Variants in SLC25A6 observed in about 807,000 individuals in gnomAD.
SLC25A6 encodes ADP/ATP translocase 3.
In SLC25A6, 9 loss-of-function variants were observed where a neutral mutation model predicts 25.7. That is an observed-to-expected ratio of 0.35 (90% CI 0.21 to 0.61). The LOEUF is 0.61. SLC25A6 is among the 20% of genes least tolerant of loss of function. The pLI is 0.76. For missense variants in SLC25A6, 404 were observed against 440.5 expected (o/e 0.92, Z 0.74); for synonymous variants, 223 against 197.0 (o/e 1.13, Z -1.11).
In SLC25A6 at chrX:1,387,233, T is replaced by C. The variant is rs1371659086; in HGVS notation, c.739+46A>G. On this transcript the variant is annotated intron_variant, in intron 3 of 3. Coordinates refer to ENST00000381401, the MANE Select transcript of SLC25A6 (RefSeq NM_001636.4). ...CTCCCACGGGCCTAGGGCAAGGAGC[T>C]TGGTTCCCCTTCCCGGCAGCAAGGG... 1.9e-6 allele frequency: 3 copies of C among 1,602,858 alleles called. No individual in the cohort carries two copies. The South Asian group carries it at 3.3e-5, about 18-fold the overall frequency.
chrX:1,388,723 A>G lies in SLC25A6; in HGVS notation c.598+518T>C, dbSNP rs112727268. On this transcript the variant is annotated intron_variant, in intron 2 of 3. Transcript: ENST00000381401. ...CAGCCTGCAGGACTGTGGGAGAATC[A>G]ATGTCTGCTGTTTACAATCCACCCA... Among the ~76,000 whole-genome samples the G allele has an allele frequency of 3.3e-5, 5 of 151,760 alleles. No homozygotes were observed. In the East Asian group the frequency reaches 9.8e-4, roughly 30 times the overall value.
chrX:1,386,784 G>A, intron 3 of SLC25A6, 25 bp from the exon 4 acceptor site: 1 of 1,594,628 alleles, frequency 6.3e-7, no homozygotes, highest in Non-Finnish European at 8.5e-7. Context: ...AGACAGTGAG[G>A]GCCTCGCCGC....
chrX:1,387,238 T>TCCC, intron 3 of SLC25A6, 41 bp downstream of exon 3: 1 of 1,604,542 alleles, frequency 6.2e-7, no homozygotes, highest in Non-Finnish European at 8.5e-7. Flanking sequence ...GGAGCTTGGT[T>TCCC]CCCCTTCCCG....
intron 1 of SLC25A6, 85 bp downstream of exon 1, chrX:1,391,814 A>G: frequency 9.3e-7 from 1 of 1,070,040 alleles, no homozygotes; most frequent in South Asian, 1.4e-5. Flanking sequence ...CCCGCCTGCA[A>G]GGCTCTGCTG....
intron 2 of SLC25A6, 48 bp downstream of exon 2, chrX:1,389,193 T>C (rs778882199): frequency 6.3e-6 from 10 of 1,585,564 alleles, no homozygotes; most frequent in Admixed American, 5.1e-5. Context: ...GGGGAACGTC[T>C]GTGTGTTGAG....
At chrX:1,389,174 A>G (rs4244917) in intron 2 of SLC25A6, 67 bp downstream of exon 2, 893,434 of 1,547,086 alleles carry the variant, frequency 0.58, 261,743 homozygotes, top group African/African-American at 0.76. Flanking sequence ...TTCAGCCCAC[A>G]GGACCCTGGG....
At position 1,386,777 on chromosome X, in the gene SLC25A6, CAGTG is replaced by C. The variant is rs1270126836; in HGVS notation, c.740-22_740-19del. The C allele has an allele frequency of 6.3e-6, 10 of 1,596,758 alleles. No homozygotes were observed. Among genetic ancestry groups the C allele is most frequent in the African/African-American group, 4.1e-5 (3 of 73,898 alleles). ...GATGTCAGCTGCAACGACAGGGAGA[CAGTG>C]AGGGCCTCGCCGCCAAGCTCTTCAA... is the stretch of plus-strand genomic sequence containing the variant. On this transcript the variant is annotated intron_variant, in intron 3 of 3. Coordinates refer to ENST00000381401, the MANE Select transcript of SLC25A6 (RefSeq NM_001636.4).
chrX:1,389,717 G>A lies in SLC25A6; in HGVS notation c.122C>T (p.Ala41Val), dbSNP rs1366215899. The A allele has an allele frequency of 6.2e-7, 1 of 1,612,172 alleles. No individual in the cohort carries two copies. The highest frequency in any genetic ancestry group is 1.3e-5 in the African/African-American group (1 of 74,826). The change falls in exon 2 of 4, where the codon GCC becomes GTC. Residue 41 changes from alanine (A) to valine (V), a missense_variant. Coordinates refer to ENST00000381401, the MANE Select transcript of SLC25A6 (RefSeq NM_001636.4). ...CTTGTCGGCGGCGATCTGCTTGCTG[G>A]CGTGCTGGACCTGGGGGACGCAGAG... ...RVKLLLQVQH[A>V]SKQIAADKQY...
chrX:1,391,788 C>T, intron 1 of SLC25A6, 111 bp downstream of exon 1: 1 of 765,250 alleles, frequency 1.3e-6, no homozygotes, highest in Non-Finnish European at 2.1e-6. Context: ...GCGATCGCGG[C>T]CTTCCACTTC....
At chrX:1,391,876 A>G (rs2089418748) in intron 1 of SLC25A6, 23 bp downstream of exon 1, 2 of 1,559,464 alleles carry the variant, frequency 1.3e-6, no homozygotes, top group Non-Finnish European at 1.7e-6. Context: ...TAGTCCCCGG[A>G]GCGGCCGCGC....
At chrX:1,387,531 GACC>G in intron 2 of SLC25A6, 112 bp from the exon 3 acceptor site, 1 of 1,437,228 alleles carries the variant, frequency 7.0e-7, no homozygotes, top group Non-Finnish European at 9.4e-7. Flanking sequence ...GCTCTTCCGA[GACC>G]ACCAGTGCCC....
At position 1,392,083 on chromosome X, in the gene SLC25A6, G is replaced by C; in HGVS notation, c.-74C>G. 1 of 1,116,454 alleles carries C rather than the reference G, an allele frequency of 9.0e-7. No homozygotes were observed. The highest frequency in any genetic ancestry group is 2.0e-5 in the Admixed American group (1 of 49,416). The allele number at this position is 1,116,454 out of a possible 1,614,324, so 69.2% of individuals were successfully genotyped here. A position where few individuals can be genotyped will look rare whatever the true frequency, so the allele number is the denominator to read the frequency against. On this transcript the variant is annotated 5_prime_UTR_variant, in exon 1 of 4. Coordinates refer to ENST00000381401, the MANE Select transcript of SLC25A6 (RefSeq NM_001636.4). ...GGAGAGTGAATGGAGGGCGTCGCTG[G>C]CTCAGCCCTGCCGCCGCCTGGACCG...
intron 1 of SLC25A6, among the ~76,000 whole-genome samples, chrX:1,391,645 C>G (rs1327891200): frequency 1.3e-5 from 2 of 152,262 alleles, no homozygotes; most frequent in Admixed American, 6.5e-5. Context: ...CCCTGCTCAG[C>G]GCGCATGCGC....
chrX:1,391,526 C>T (rs1189670011), intron 1 of SLC25A6, among the ~76,000 whole-genome samples: 2 of 152,230 alleles, frequency 1.3e-5, no homozygotes, highest in African/African-American at 4.8e-5. Flanking sequence ...GTGGAGGGAG[C>T]AAGAGCAGAC....
intron 2 of SLC25A6, among the ~76,000 whole-genome samples, chrX:1,389,040 A>G (rs1490518169): frequency 1.4e-4 from 19 of 138,688 alleles, no homozygotes; most frequent in South Asian, 2.3e-4. Context: ...ATAAGAAGAG[A>G]GGATGAGGAC....
intron 2 of SLC25A6, among the ~76,000 whole-genome samples, chrX:1,388,014 G>C (rs192938538): frequency 5.3e-5 from 8 of 149,714 alleles, no homozygotes; most frequent in African/African-American, 2.0e-4. Flanking sequence ...CAGACTTCCA[G>C]CCTCCAGGAC....
chrX:1,389,345 G>T lies in SLC25A6; in HGVS notation c.494C>A (p.Thr165Asn), dbSNP rs1172842284. Reference protein sequence around the residue: ...RGLGDCLVKITKSDGIRGLYQ... With the variant: ...RGLGDCLVKINKSDGIRGLYQ... ...CAGGCCCCGGATGCCGTCGGACTTG[G>T]TGATCTTCACCAGGCAGTCTCCCAG... The change falls in exon 2 of 4, where the codon ACC becomes AAC. Residue 165 changes from threonine (T) to asparagine (N), a missense_variant. Physicochemically the swap from Thr to Asn is moderately conservative, Grantham distance 65. Transcript: ENST00000381401. 6.2e-7 allele frequency: 1 copy of T among 1,613,822 alleles called. No homozygotes were observed. The highest frequency in any genetic ancestry group is 1.7e-5 in the Admixed American group (1 of 60,004).
In SLC25A6 at chrX:1,387,290, C is replaced by T; in HGVS notation, c.728G>A (p.Gly243Glu). The T allele has an allele frequency of 6.2e-7, 1 of 1,612,684 alleles. No homozygotes were observed. The highest frequency in any genetic ancestry group is 8.5e-7 in the Non-Finnish European group (1 of 1,179,612). ...GCCCCCCCGAGTACCTCCTTTGCGC[C>T]CGGACTGCATCATCATGCGCCGCCG... ...TVRRRMMMQSGRKGADIMYTG... is the reference protein window; with the variant it reads ...TVRRRMMMQSERKGADIMYTG... Residue 243 changes from glycine to glutamate, a missense_variant, in exon 3 of 4, where the codon GGG becomes GAG. By Grantham distance (98) the Gly-to-Glu change is moderately conservative. Transcript: ENST00000381401.
Position 1,386,597 on chromosome X carries a change from G to C in SLC25A6, c.*5C>G, listed in dbSNP as rs755143529. The stretch of plus-strand genomic sequence containing the variant: ...TGTGTGTGTGTGTGGAGGAGGCCGC[G>C]GCCCTTAGATCACCTTCTTGAGCTC... On this transcript the variant is annotated 3_prime_UTR_variant, in exon 4 of 4. Coordinates refer to ENST00000381401, the MANE Select transcript of SLC25A6 (RefSeq NM_001636.4). 2.6e-6 allele frequency: 4 copies of C among 1,547,858 alleles called. No individual in the cohort carries two copies. The highest frequency in any genetic ancestry group is 3.5e-6 in the Non-Finnish European group (4 of 1,151,028).
Sources: allele counts gnomAD v4.1 joint callset (sites outside exome capture counted in the v4.1 genomes callset), GRCh38; gene constraint gnomAD v4.1.1; transcripts MANE v1.5; gene names NCBI Gene and HGNC (gene_info 2026-07-23, HGNC 2026-07-21).